The following BUD31 variants were observed in gnomAD, a reference collection of about 807,000 sequenced individuals.
BUD31 encodes BUD31 spliceosome associated protein, also known as protein BUD31 homolog.
BUD31 carries 9 observed loss-of-function variants against 17.9 expected under a neutral mutation model. That is an observed-to-expected ratio of 0.50 (90% CI 0.30 to 0.88). BUD31 has a LOEUF of 0.88. BUD31 is among the 40% of genes least tolerant of loss of function. The pLI, the probability that BUD31 is intolerant of heterozygous loss-of-function variation, is 0.06. For missense variants in BUD31, 148 were observed against 184.5 expected (o/e 0.80, Z 1.15); for synonymous variants, 70 against 64.7 (o/e 1.08, Z -0.39).
chr7:99,417,696 T>A, intron 5 of BUD31, 101 bp downstream of exon 5: 1 of 1,553,858 alleles, frequency 6.4e-7, no homozygotes, highest in Non-Finnish European at 8.7e-7. Context: ...GGAATGTCGT[T>A]TTGTCCCTGG....
intron 2 of BUD31, among the ~76,000 whole-genome samples, 196 bp downstream of exon 2, chr7:99,410,365 CCCACCA>C (rs1300685125): frequency 7.2e-6 from 1 of 138,068 alleles, no homozygotes; most frequent in South Asian, 2.9e-4. Flanking sequence ...ACCACAGGCA[CCCACCA>C]CCATGCTCAG....
chr7:99,417,882 TGGTGGCAG>T, intron 5 of BUD31: 1 of 1,360,180 alleles, frequency 7.4e-7, no homozygotes, highest in Non-Finnish European at 9.5e-7. Context: ...AATCCCAAGG[TGGTGGCAG>T]GGTGACATCA....
At chr7:99,411,619 C>T (rs1469017958) in intron 3 of BUD31, 1 of 448,918 alleles carries the variant, frequency 2.2e-6, no homozygotes, top group Non-Finnish European at 4.5e-6. Context: ...GAACCCGTGT[C>T]CTATGCTGTC....
intron 3 of BUD31, among the ~76,000 whole-genome samples, chr7:99,414,025 A>G (rs1388529932): frequency 1.3e-5 from 2 of 152,366 alleles, no homozygotes; most frequent in African/African-American, 4.8e-5. Context: ...TGAGAGTGGC[A>G]TGTCTCACAC....
intron 3 of BUD31, among the ~76,000 whole-genome samples, chr7:99,412,747 G>A (rs532381204): frequency 1.4e-3 from 209 of 151,586 alleles, no homozygotes; most frequent in East Asian, 1.2e-3. Flanking sequence ...GAGTAGCTGG[G>A]ACTACAGGCG....
At chr7:99,414,061 C>CA (rs1795290061) in intron 3 of BUD31, among the ~76,000 whole-genome samples, 1 of 152,128 alleles carries the variant, frequency 6.6e-6, no homozygotes, top group African/African-American at 2.4e-5. Flanking sequence ...CAAGCACACT[C>CA]ATGAATTACA....
chr7:99,417,206 C>T, intron 4 of BUD31: 1 of 441,176 alleles, frequency 2.3e-6, no homozygotes, highest in South Asian at 2.1e-5. Context: ...ACAGCTGCTA[C>T]CACGCCCGAG....
intron 4 of BUD31, chr7:99,416,678 C>G (rs1011837436): frequency 6.5e-6 from 1 of 154,716 alleles, no homozygotes; most frequent in Non-Finnish European, 1.4e-5. Flanking sequence ...CTCGGTCTCC[C>G]AAAGTGCTGG....
At chr7:99,411,701 G>C (rs1436475497) in intron 3 of BUD31, 1 of 455,852 alleles carries the variant, frequency 2.2e-6, no homozygotes, top group Admixed American at 2.4e-5. Context: ...CTTACCAATT[G>C]ACTTTTTTAT....
intron 4 of BUD31, chr7:99,417,090 G>C: frequency 9.7e-6 from 2 of 207,010 alleles, no homozygotes; most frequent in South Asian, 6.4e-5. Flanking sequence ...ATGGAGTTTC[G>C]CTGTCACCCA....
chr7:99,416,370 A>C, intron 4 of BUD31, 110 bp downstream of exon 4: 1 of 1,423,760 alleles, frequency 7.0e-7, no homozygotes, highest in Non-Finnish European at 9.5e-7. Context: ...TTTTCTTACC[A>C]CGAAAATTAG....
In BUD31 at chr7:99,416,276, C is replaced by A. The variant is rs777102229; in HGVS notation, c.217+16C>A. The A allele has an allele frequency of 6.2e-7, 1 of 1,607,394 alleles. No homozygotes were observed. Among genetic ancestry groups the A allele is most frequent in the South Asian group, 1.1e-5 (1 of 90,838 alleles). On this transcript the variant is annotated intron_variant, in intron 4 of 5. Transcript: ENST00000222969. ...ATCAGCAGAGGTAATTAGTCAGTCT[C>A]TCTTGGACTTTGAAGCTCGCGTCAC... is the stretch of plus-strand genomic sequence containing the variant.
chr7:99,419,168 T>C (rs1228814934), intron 5 of BUD31: 2 of 579,604 alleles, frequency 3.5e-6, no homozygotes, highest in East Asian at 2.9e-5. Flanking sequence ...GCAGAACATA[T>C]TATAAATAGA....
At chr7:99,412,006 G>A (rs1278003329) in intron 3 of BUD31, 1 of 185,126 alleles carries the variant, frequency 5.4e-6, no homozygotes, top group African/African-American at 2.4e-5. Flanking sequence ...ACACCCAGCT[G>A]AAGTTACTTT....
intron 5 of BUD31, 106 bp from the exon 6 acceptor site, chr7:99,419,285 T>TC: frequency 7.2e-7 from 1 of 1,384,854 alleles, no homozygotes; most frequent in South Asian, 1.2e-5. Flanking sequence ...GGTGTGTCCC[T>TC]ATATGGCATG....
chr7:99,417,779 TG>T (rs2150938104), intron 5 of BUD31, 184 bp downstream of exon 5: 3 of 1,530,404 alleles, frequency 2.0e-6, no homozygotes, highest in Admixed American at 2.0e-5. Flanking sequence ...CGTGTGGCTG[TG>T]TGTTTGTTAG....
At chr7:99,419,368 C>G (rs746525253) in intron 5 of BUD31, 23 bp from the exon 6 acceptor site, 3 of 1,612,676 alleles carry the variant, frequency 1.9e-6, no homozygotes, top group South Asian at 2.2e-5. Flanking sequence ...GTGGCATCGT[C>G]TCACTGTCCT....
At chr7:99,413,243 G>A (rs981008278) in intron 3 of BUD31, among the ~76,000 whole-genome samples, 4 of 152,024 alleles carry the variant, frequency 2.6e-5, no homozygotes, top group Non-Finnish European at 4.4e-5. Context: ...ACCACTCTTC[G>A]CCCTTCTGTT....
chr7:99,413,567 G>A (rs1192808487), intron 3 of BUD31, among the ~76,000 whole-genome samples: 2 of 152,096 alleles, frequency 1.3e-5, no homozygotes, highest in Non-Finnish European at 2.9e-5. Context: ...AGGGACCAAG[G>A]TTGGTTTTTT....
Sources: gnomAD v4.1 joint callset for allele counts (sites outside exome capture counted in the v4.1 genomes callset) on GRCh38, gnomAD v4.1.1 for gene constraint, MANE v1.5 for transcripts, NCBI Gene and HGNC (gene_info 2026-07-23, HGNC 2026-07-21) for gene names.